Variants in FYB2 observed in about 807,000 individuals in gnomAD.
FYB2 encodes FYN binding protein 2.
Under a neutral mutation model 94.1 loss-of-function variants are expected in FYB2, and 103 were observed. That is an observed-to-expected ratio of 1.09 (90% CI 0.93 to 1.29). The LOEUF (loss-of-function observed/expected upper bound fraction) is 1.29. Ranked by LOEUF, FYB2 falls within the 50% of genes most tolerant of loss-of-function variation. The probability of loss-of-function intolerance (pLI) is 0.00; values close to 1 mark genes in which losing one functional copy is unlikely to be tolerated. For synonymous variants in FYB2, 293 were observed against 287.9 expected (o/e 1.02, Z -0.18); for missense variants, 896 against 841.5 (o/e 1.06, Z -0.80).
intron 17 of FYB2, among the ~76,000 whole-genome samples, chr1:56,722,915 G>A (rs1380543114): frequency 6.6e-6 from 1 of 152,008 alleles, no homozygotes; most frequent in East Asian, 1.9e-4. Flanking sequence ...TGCTCAGTAT[G>A]TTTCATAGTT....
intron 5 of FYB2, 36 bp downstream of exon 5, chr1:56,767,793 A>G (rs766485534): frequency 7.8e-5 from 112 of 1,444,540 alleles, no homozygotes; most frequent in Non-Finnish European, 5.1e-5. Context: ...TTCATTCCAC[A>G]CAGGGTTACA....
chr1:56,772,068 T>C (rs1645770780), intron 4 of FYB2, among the ~76,000 whole-genome samples: 1 of 152,138 alleles, frequency 6.6e-6, no homozygotes, highest in African/African-American at 2.4e-5. Flanking sequence ...ACTTCTCTCA[T>C]ATTTTTGTTC....
chr1:56,803,950 T>C (rs1220250821), intron 1 of FYB2, among the ~76,000 whole-genome samples: 1 of 152,230 alleles, frequency 6.6e-6, no homozygotes, highest in Admixed American at 6.5e-5. Flanking sequence ...GCAATTGTTC[T>C]TAATCCTGGC....
chr1:56,788,201 A>G (rs1031734862), intron 3 of FYB2, among the ~76,000 whole-genome samples: 1 of 152,342 alleles, frequency 6.6e-6, no homozygotes, highest in South Asian at 2.1e-4. Flanking sequence ...TAATTTAACC[A>G]TGAAGTTGCC....
In FYB2 at chr1:56,759,384, G is replaced by T. The variant is rs528624079; in HGVS notation, c.1064-634C>A. Among the ~76,000 whole-genome samples, 3 of 152,168 alleles carry T rather than the reference G, an allele frequency of 2.0e-5. No homozygotes were observed. The South Asian group carries it at 6.2e-4, about 32-fold the overall frequency. ...AGAACATACTTATACAAACCTAGAC[G>T]GTATAGCCTACTACCTTCCTAGGAT... On this transcript the variant is annotated intron_variant, in intron 5 of 19. Coordinates refer to ENST00000343433, the MANE Select transcript of FYB2 (RefSeq NM_001004303.5).
At chr1:56,768,884 C>G (rs560001618) in intron 4 of FYB2, among the ~76,000 whole-genome samples, 102 of 151,944 alleles carry the variant, frequency 6.7e-4, no homozygotes, top group Non-Finnish European at 2.2e-4. Flanking sequence ...TAGGTAAAAA[C>G]AAGAGACTGA....
intron 9 of FYB2, among the ~76,000 whole-genome samples, chr1:56,750,308 A>G (rs1645165611): frequency 1.3e-5 from 2 of 152,090 alleles, no homozygotes; most frequent in African/African-American, 2.4e-5. Context: ...GAAAGTAAGT[A>G]CATTTTCCAA....
intron 2 of FYB2, among the ~76,000 whole-genome samples, 161 bp downstream of exon 2, chr1:56,791,895 C>T (rs1388544648): frequency 3.3e-5 from 5 of 152,120 alleles, no homozygotes; most frequent in South Asian, 2.1e-4. Flanking sequence ...TACTCAAACC[C>T]GAGGTTACAA....
chr1:56,818,137 G>A (rs1016326037), intron 1 of FYB2, among the ~76,000 whole-genome samples: 5 of 152,038 alleles, frequency 3.3e-5, no homozygotes, highest in African/African-American at 7.2e-5. Flanking sequence ...GCACTTTCCC[G>A]TCAAGGAGGA....
At chr1:56,816,123 A>T (rs1646876613) in intron 1 of FYB2, among the ~76,000 whole-genome samples, 1 of 152,196 alleles carries the variant, frequency 6.6e-6, no homozygotes, top group Non-Finnish European at 1.5e-5. Flanking sequence ...CCACCCCAAA[A>T]CTGAGTGGCC....
intron 2 of FYB2, 48 bp from the exon 3 acceptor site, chr1:56,789,182 A>G (rs1180326135): frequency 6.6e-7 from 1 of 1,525,808 alleles, no homozygotes; most frequent in African/African-American, 1.4e-5. Flanking sequence ...TTTTCATTTC[A>G]TAGCTTGTGG....
rs1245896614 is a variant in FYB2 at position 56,792,232 on chromosome 1, AGAGTC to A, written c.576_580del (p.Gln192HisfsTer15). 1 of 1,613,634 alleles carries A rather than the reference AGAGTC, an allele frequency of 6.2e-7. No individual in the cohort carries two copies. The highest frequency in any genetic ancestry group is 2.2e-5 in the East Asian group (1 of 44,876). Reference sequence around the variant, plus strand: ...GGCCACCACGTGCTTCTGGGAAGGAAGAGTCTGGGCTCCTTTTGTTTCCAGCTTTT... The same window carrying A: ...GGCCACCACGTGCTTCTGGGAAGGAATGGGCTCCTTTTGTTTCCAGCTTTT... On this transcript the variant is annotated frameshift_variant, in exon 2 of 20. Transcript: ENST00000343433. LOFTEE classifies it high-confidence loss of function.
At chr1:56,730,319 GA>G (rs1644678071) in intron 15 of FYB2, among the ~76,000 whole-genome samples, 1 of 135,230 alleles carries the variant, frequency 7.4e-6, no homozygotes, top group Non-Finnish European at 1.6e-5. Context: ...GAGGGGAGGG[GA>G]GGGAGGAGGG....
At chr1:56,742,079 G>A in intron 12 of FYB2, 82 bp downstream of exon 12, 1 of 1,238,412 alleles carries the variant, frequency 8.1e-7, no homozygotes, top group Non-Finnish European at 1.2e-6. Flanking sequence ...GGGGGCGGAT[G>A]GTGGGTCCTC....
intron 4 of FYB2, among the ~76,000 whole-genome samples, chr1:56,771,496 A>C (rs1472294016): frequency 1.3e-5 from 2 of 152,192 alleles, no homozygotes; most frequent in East Asian, 1.9e-4. Context: ...GCCTCTGCAA[A>C]GGGAGAAAGG....
intron 4 of FYB2, among the ~76,000 whole-genome samples, chr1:56,780,023 G>A (rs761659286): frequency 6.6e-6 from 1 of 151,920 alleles, no homozygotes; most frequent in Non-Finnish European, 1.5e-5. Context: ...CCATTTTATA[G>A]GTGGCAATTA....
chr1:56,738,800 T>G, intron 13 of FYB2, 147 bp from the exon 14 acceptor site: 1 of 751,162 alleles, frequency 1.3e-6, no homozygotes, highest in Non-Finnish European at 2.1e-6. Context: ...ATAGTTTCTC[T>G]GGTATTAACA....
At chr1:56,821,179 T>C (rs1289446734), upstream of FYB2, among the ~76,000 whole-genome samples, 1 of 152,194 alleles carries the variant, frequency 6.6e-6, no homozygotes. Context: ...AACTGATAAT[T>C]GGGCTGTCAA....
At chr1:56,820,127 A>C (rs1386976370), upstream of FYB2, among the ~76,000 whole-genome samples, 2 of 151,408 alleles carry the variant, frequency 1.3e-5, no homozygotes, top group Non-Finnish European at 2.9e-5. Flanking sequence ...GCTACTTGGG[A>C]GGCTGAGGCA....
Sources: allele counts gnomAD v4.1 joint callset (sites outside exome capture counted in the v4.1 genomes callset), GRCh38; gene constraint gnomAD v4.1.1; transcripts MANE v1.5; gene names NCBI Gene and HGNC (gene_info 2026-07-23, HGNC 2026-07-21).